GSTK1: variants seen among roughly 807,000 people sequenced by gnomAD.
GSTK1 encodes the protein glutathione S-transferase kappa 1, also known as GST class-kappa.
Under a neutral mutation model 30.9 loss-of-function variants are expected in GSTK1, and 25 were observed. The ratio of observed to expected loss-of-function variants is 0.81; its 90% confidence interval spans 0.59 to 1.13. The LOEUF (loss-of-function observed/expected upper bound fraction) is 1.13. Ranked by LOEUF, GSTK1 falls within the 50% of genes most tolerant of loss-of-function variation. The probability of loss-of-function intolerance (pLI) is 0.00; values close to 1 mark genes in which losing one functional copy is unlikely to be tolerated. For synonymous variants in GSTK1, 108 were observed against 112.5 expected, an observed-to-expected ratio of 0.96 and a Z score of 0.25; for missense variants, 292 against 292.4, an observed-to-expected ratio of 1.00 and a Z score of 0.01.
Position 143,264,989 on chromosome 7 carries a change from C to T in GSTK1, c.284-3C>T. 1 of 1,613,632 alleles carries T rather than the reference C, an allele frequency of 6.2e-7. No homozygotes were observed. The highest frequency in any genetic ancestry group is 8.5e-7 in the Non-Finnish European group (1 of 1,179,652). ...CCTGCCTCTGGGTGCCTCTGCCCCA[C>T]AGGAAGTTTGTCTGCCATGCGTTTC... On this transcript the variant is annotated splice_polypyrimidine_tract_variant and splice_region_variant and intron_variant, in intron 3 of 7. Transcript: ENST00000358406.
Position 143,265,275 on chromosome 7 carries a change from C to A in GSTK1, c.399C>A (p.Thr133=). ...MRVWSRNEDI[T]EPQSILAAAE... is the part of the protein sequence containing the mutation. ...CTTCTTCCCAGAATGAAGACATCAC[C>A]GAGCCGCAGAGCATCCTGGCGGTGA... The change falls in exon 5 of 8, where the codon ACC becomes ACA. Residue 133 remains threonine, a synonymous_variant. Coordinates refer to ENST00000358406, the MANE Select transcript of GSTK1 (RefSeq NM_015917.3). 1 of 1,602,826 alleles carries A rather than the reference C, an allele frequency of 6.2e-7. No homozygotes were observed. The highest frequency in any genetic ancestry group is 8.5e-7 in the Non-Finnish European group (1 of 1,174,744).
At chr7:143,265,521 A>G (rs1294997902) in intron 5 of GSTK1, among the ~76,000 whole-genome samples, 2 of 152,162 alleles carry the variant, frequency 1.3e-5, no homozygotes. Flanking sequence ...GGGACAATAT[A>G]TGGGAAGAAT....
In GSTK1 at chr7:143,268,308, T is replaced by C. The variant is rs1189271889; in HGVS notation, c.631+124T>C. The C allele has an allele frequency of 5.9e-6, 4 of 677,242 alleles. No homozygotes were observed. In the Admixed American group the frequency reaches 7.5e-5, roughly 13 times the overall value. 42.0% of individuals were successfully genotyped at this position (677,242 alleles called of 1,614,324 possible). ...GAGATTAAGACCATCCTGGCCAACA[T>C]GGTGAAACCCCGTCTCTACTAAAAA... On this transcript the variant is annotated intron_variant, in intron 7 of 7. Transcript: ENST00000358406. The surrounding 1 kb of genome is among the most constrained non-coding windows in gnomAD (Gnocchi z 4.1).
chr7:143,265,155 G>T (rs766181029), intron 4 of GSTK1, 63 bp downstream of exon 4: 1 of 1,612,104 alleles, frequency 6.2e-7, no homozygotes, highest in Non-Finnish European at 8.5e-7. Flanking sequence ...CCTTCCCCAG[G>T]CACGTTTTCA....
chr7:143,268,044 T>TA lies in GSTK1; in HGVS notation c.538-46dup, dbSNP rs776285338. On this transcript the variant is annotated intron_variant, in intron 6 of 7. Transcript: ENST00000358406. This position sits in a 1 kb window ranked among gnomAD's most constrained non-coding sequence, Gnocchi z 4.1. ...CTCAAAGGTTTCAACCCCTGCCTAA[T>TA]ACCTGCTCCTTTGCCTTCCTCCTTG... The TA allele has an allele frequency of 4.2e-6, 6 of 1,440,830 alleles. No homozygotes were observed. The South Asian group carries it at 7.1e-5, about 17-fold the overall frequency. 89.3% of individuals were successfully genotyped at this position (1,440,830 alleles called of 1,614,324 possible). A position where few individuals can be genotyped will look rare whatever the true frequency, so the allele number is the denominator to read the frequency against.
intron 3 of GSTK1, 34 bp downstream of exon 3, chr7:143,264,710 TGAAAAACACA>T: frequency 3.7e-6 from 6 of 1,612,516 alleles, no homozygotes; most frequent in Non-Finnish European, 5.1e-6. Context: ...GGGTATCCAG[TGAAAAACACA>T]GAAGTCGGAG....
intron 3 of GSTK1, 132 bp downstream of exon 3, chr7:143,264,808 CCT>C: frequency 7.3e-7 from 1 of 1,371,132 alleles, no homozygotes; most frequent in Non-Finnish European, 1.0e-6. Flanking sequence ...TCAGGATCAG[CCT>C]TGAGCGAGCT....
rs1171348555 is a variant in GSTK1 at position 143,263,506 on chromosome 7, C to T, written c.-8C>T. ...TCCTGCTGCCACTGCTCTTCCGGAGCCTGCAGCATGGGGCCCCTGCCGCGC... is the reference window on the plus strand; with the variant it reads ...TCCTGCTGCCACTGCTCTTCCGGAGTCTGCAGCATGGGGCCCCTGCCGCGC... On this transcript the variant is annotated 5_prime_UTR_variant, in exon 1 of 8. Transcript: ENST00000358406. The T allele has an allele frequency of 9.3e-6, 15 of 1,608,994 alleles. No homozygotes were observed. The highest frequency in any genetic ancestry group is 1.3e-5 in the African/African-American group (1 of 75,048).
intron 3 of GSTK1, 54 bp downstream of exon 3, chr7:143,264,730 G>C: frequency 6.2e-7 from 1 of 1,603,718 alleles, no homozygotes; most frequent in Non-Finnish European, 8.5e-7. Context: ...AGAAGTCGGA[G>C]ATTGAGGGAT....
intron 2 of GSTK1, 66 bp downstream of exon 2, chr7:143,264,233 T>TTA (rs780500160): frequency 9.7e-5 from 133 of 1,367,992 alleles, no homozygotes; most frequent in Middle Eastern, 2.0e-4. Flanking sequence ...CAGCGGGTCC[T>TTA]TATATTGGCA....
chr7:143,268,798 G>T lies in GSTK1; in HGVS notation c.642G>T (p.Trp214Cys). The T allele has an allele frequency of 6.2e-7, 1 of 1,613,994 alleles. No homozygotes were observed. Among genetic ancestry groups the T allele is most frequent in the South Asian group, 1.1e-5 (1 of 91,088 alleles). ...ELLAHLLGEK[W>C]MGPIPPAVNA... ...GTTTTCTTCATCCAGGAGAGAAGTG[G>T]ATGGGCCCTATACCTCCAGCCGTGA... The change falls in exon 8 of 8, where the codon TGG becomes TGT. Residue 214 changes from tryptophan to cysteine, a missense_variant. Trp to Cys is a radical substitution (Grantham distance 215). Coordinates refer to ENST00000358406, the MANE Select transcript of GSTK1 (RefSeq NM_015917.3). This position sits in a 1 kb window ranked among gnomAD's most constrained non-coding sequence, Gnocchi z 4.1.
At chr7:143,264,721 G>T in intron 3 of GSTK1, 45 bp downstream of exon 3, 1 of 1,610,580 alleles carries the variant, frequency 6.2e-7, no homozygotes, top group Non-Finnish European at 8.5e-7. Context: ...GAAAAACACA[G>T]AAGTCGGAGA....
chr7:143,267,723 G>A lies in GSTK1; in HGVS notation c.527G>A (p.Cys176Tyr), dbSNP rs1270449169. The A allele has an allele frequency of 6.2e-7, 1 of 1,610,454 alleles. No homozygotes were observed. The highest frequency in any genetic ancestry group is 8.5e-7 in the Non-Finnish European group (1 of 1,176,958). ...CTCAAGGAGACCACTGAGGCAGCCT[G>A]CAGATACGGAGTGAGCAGCTCTTTA... ...NQLKETTEAA[C>Y]RYGAFGLPIT... Residue 176 changes from cysteine to tyrosine, a missense_variant, in exon 6 of 8, where the codon TGC becomes TAC. Transcript: ENST00000358406.
At chr7:143,265,782 TG>T (rs1800857723) in intron 5 of GSTK1, among the ~76,000 whole-genome samples, 2 of 152,220 alleles carry the variant, frequency 1.3e-5, no homozygotes, top group African/African-American at 4.8e-5. Context: ...GAGCCATGGA[TG>T]GGGGTATAAA....
intron 1 of GSTK1, 22 bp from the exon 2 acceptor site, chr7:143,264,064 C>A (rs777548704): frequency 1.4e-5 from 23 of 1,610,414 alleles, no homozygotes; most frequent in South Asian, 3.3e-5. Flanking sequence ...CACTGGCAAT[C>A]GTTCTTGACC....
rs561337287 is a variant in GSTK1, at chr7:143,265,633, A to G, written c.420+337A>G. ...CAAGTCTCCACAAACTCCAACACAA[A>G]CCTCACCAACACATCCAGAGTGGAA... On this transcript the variant is annotated intron_variant, in intron 5 of 7. Transcript: ENST00000358406. Among the ~76,000 whole-genome samples, 6 of 152,316 alleles carry G rather than the reference A, an allele frequency of 3.9e-5. No homozygotes were observed. In the East Asian group the frequency reaches 1.2e-3, roughly 29 times the overall value.
At chr7:143,264,816 G>T in intron 3 of GSTK1, 140 bp downstream of exon 3, 1 of 1,329,866 alleles carries the variant, frequency 7.5e-7, no homozygotes, top group Non-Finnish European at 1.1e-6. Flanking sequence ...AGCCTTGAGC[G>T]AGCTGAAGGT....
intron 1 of GSTK1, chr7:143,263,847 A>T (rs1000965458): frequency 1.0e-5 from 6 of 602,296 alleles, no homozygotes; most frequent in African/African-American, 7.4e-5. Flanking sequence ...TTCAGGGAGA[A>T]ATGCAGAACA....
rs1033271369 is a variant in GSTK1, at chr7:143,268,184, G to T, written c.631G>T (p.Gly211Ter). Reference protein sequence around the residue: ...DRMELLAHLLGEKWMGPIPPA... With the variant: ...DRMELLAHLL ...GATGGAGCTGCTGGCGCACCTGCTG[G>T]GTAAGTAAGTTAAAGAATCAACCCT... The change falls in exon 7 of 8, where the codon GGA becomes TGA. Residue 211 changes from glycine to a stop codon, truncating the protein, a stop_gained and splice_region_variant. Coordinates refer to ENST00000358406, the MANE Select transcript of GSTK1 (RefSeq NM_015917.3). LOFTEE classifies it high-confidence loss of function. The surrounding 1 kb of genome is among the most constrained non-coding windows in gnomAD (Gnocchi z 4.1). 6.2e-7 allele frequency: 1 copy of T among 1,612,664 alleles called. No homozygotes were observed. The highest frequency in any genetic ancestry group is 1.1e-5 in the South Asian group (1 of 90,952).
Sources: gnomAD v4.1 joint callset for allele counts (sites outside exome capture counted in the v4.1 genomes callset) on GRCh38, gnomAD v4.1.1 for gene constraint, Gnocchi (gnomAD v3.1) non-coding constraint, MANE v1.5 for transcripts, NCBI Gene and HGNC (gene_info 2026-07-23, HGNC 2026-07-21) for gene names.